SGF29: variants seen among roughly 807,000 people sequenced by gnomAD.
SGF29 encodes the protein SAGA-associated factor 29.
SGF29 carries 15 observed loss-of-function variants against 38.1 expected under a neutral mutation model. The observed-to-expected ratio is 0.39, with a 90% CI of 0.26 to 0.61. SGF29 has a LOEUF of 0.61. Ranked by LOEUF, SGF29 falls within the 20% of genes least tolerant of loss-of-function variation. SGF29 has a pLI of 0.49. For synonymous variants in SGF29, 151 were observed against 160.8 expected, an observed-to-expected ratio of 0.94 and a Z score of 0.46; for missense variants, 184 against 394.6, an observed-to-expected ratio of 0.47 and a Z score of 4.52.
chr16:28,560,993 C>T (rs539054680), intron 1 of SGF29, among the ~76,000 whole-genome samples: 1 of 150,444 alleles, frequency 6.6e-6, no homozygotes, highest in Non-Finnish European at 1.5e-5. Flanking sequence ...CAACGAAGAT[C>T]AACCCCAAGA....
In SGF29 at chr16:28,585,434, TC is replaced by T. The variant is rs1048964244; in HGVS notation, c.152-213del. ...ATGGAGAAAAGGTAAGACAGTACTC[TC>T]GCAGATGTAGGGATGGCATTTGTAC... On this transcript the variant is annotated intron_variant, in intron 3 of 9. Coordinates refer to ENST00000317058, the MANE Select transcript of SGF29 (RefSeq NM_138414.3). 6.5e-5 allele frequency: 39 copies of T among 599,694 alleles called. No homozygotes were observed. In the African/African-American group the frequency reaches 6.9e-4, roughly 11 times the overall value. The allele number at this position is 599,694 out of a possible 1,614,324, so 37.1% of individuals were successfully genotyped here. A position where few individuals can be genotyped will look rare whatever the true frequency, so the allele number is the denominator to read the frequency against.
intron 1 of SGF29, among the ~76,000 whole-genome samples, chr16:28,554,505 C>A (rs1441260843): frequency 1.3e-5 from 2 of 152,186 alleles, no homozygotes; most frequent in African/African-American, 4.8e-5. Flanking sequence ...ATATATAGTT[C>A]TTAACAAGAT....
chr16:28,590,020 C>T lies in SGF29; in HGVS notation c.290-76C>T. The T allele has an allele frequency of 6.6e-7, 1 of 1,516,008 alleles. No individual in the cohort carries two copies. The highest frequency in any genetic ancestry group is 8.8e-7 in the Non-Finnish European group (1 of 1,133,092). 93.9% of individuals were successfully genotyped at this position (1,516,008 alleles called of 1,614,324 possible). A position where few individuals can be genotyped will look rare whatever the true frequency, so the allele number is the denominator to read the frequency against. On this transcript the variant is annotated intron_variant, in intron 5 of 9. Coordinates refer to ENST00000317058, the MANE Select transcript of SGF29 (RefSeq NM_138414.3). The surrounding 1 kb of genome is among the most constrained non-coding windows in gnomAD (Gnocchi z 8.2). Reference sequence around the variant, plus strand: ...TGGGGGCTCCCAGGTGCTCCTTCAACAGCTCAGTGCAGCATGCTCGGGGGT... The same window carrying T: ...TGGGGGCTCCCAGGTGCTCCTTCAATAGCTCAGTGCAGCATGCTCGGGGGT...
At chr16:28,586,672 C>T (rs1360693125) in intron 4 of SGF29, among the ~76,000 whole-genome samples, 1 of 152,044 alleles carries the variant, frequency 6.6e-6, no homozygotes, top group Admixed American at 6.6e-5. Flanking sequence ...GGTGGAGCTC[C>T]AACATTGGTA....
At chr16:28,580,477 C>T (rs538328590) in intron 1 of SGF29, among the ~76,000 whole-genome samples, 36 of 152,172 alleles carry the variant, frequency 2.4e-4, no homozygotes, top group African/African-American at 8.7e-4. Flanking sequence ...GGGTGGCTGC[C>T]GGCAGTCCTT....
intron 5 of SGF29, 98 bp downstream of exon 5, chr16:28,589,262 C>T: frequency 8.1e-7 from 1 of 1,239,240 alleles, no homozygotes; most frequent in Non-Finnish European, 1.2e-6. Flanking sequence ...GTGGCCACCA[C>T]CTGCTGGCAT....
intron 1 of SGF29, 145 bp downstream of exon 1, chr16:28,554,242 G>GGGCTC (rs2046730957): frequency 6.6e-6 from 1 of 151,646 alleles, no homozygotes; most frequent in East Asian, 1.9e-4. Flanking sequence ...GAGGGGGGCG[G>GGGCTC]GGCTCGTGGG....
intron 1 of SGF29, among the ~76,000 whole-genome samples, chr16:28,562,406 C>G (rs1360292549): frequency 6.6e-6 from 1 of 152,144 alleles, no homozygotes; most frequent in Non-Finnish European, 1.5e-5. Context: ...ATTCCTGGAA[C>G]ATGAAGGTCC....
At chr16:28,573,196 C>G (rs558409309) in intron 1 of SGF29, among the ~76,000 whole-genome samples, 9 of 152,154 alleles carry the variant, frequency 5.9e-5, no homozygotes, top group East Asian at 1.9e-4. Flanking sequence ...TGGCACTACA[C>G]AGCTGGGAAG....
At chr16:28,591,024 T>C in intron 9 of SGF29, 89 bp downstream of exon 9, 1 of 1,436,436 alleles carries the variant, frequency 7.0e-7, no homozygotes, top group Admixed American at 2.5e-5. Context: ...CTCCTTCCCT[T>C]TGTCCTCATC....
chr16:28,589,075 CTT>C, intron 4 of SGF29, 23 bp from the exon 5 acceptor site: 1 of 1,613,872 alleles, frequency 6.2e-7, no homozygotes, highest in Non-Finnish European at 8.5e-7. Flanking sequence ...ACCAAACCCT[CTT>C]TCTCCCTTCT....
chr16:28,557,432 G>A (rs575394690), intron 1 of SGF29, among the ~76,000 whole-genome samples: 36 of 152,304 alleles, frequency 2.4e-4, no homozygotes, highest in African/African-American at 8.7e-4. Context: ...CACATGCTTT[G>A]CCCTGTGCAC....
At chr16:28,572,653 C>A (rs2046871801) in intron 1 of SGF29, among the ~76,000 whole-genome samples, 1 of 152,196 alleles carries the variant, frequency 6.6e-6, no homozygotes, top group South Asian at 2.1e-4. Flanking sequence ...TTCTTTAGGA[C>A]TGGTCAGGCA....
intron 2 of SGF29, among the ~76,000 whole-genome samples, chr16:28,584,511 C>T (rs559872493): frequency 2.6e-5 from 4 of 151,638 alleles, no homozygotes; most frequent in African/African-American, 7.2e-5. Flanking sequence ...AAAATTAGGC[C>T]GGGCGCATTG....
intron 2 of SGF29, among the ~76,000 whole-genome samples, chr16:28,581,949 T>A (rs998111265): frequency 6.6e-6 from 1 of 151,868 alleles, no homozygotes; most frequent in Non-Finnish European, 1.5e-5. Context: ...TTCCCCTATT[T>A]GATATCTTTT....
intron 1 of SGF29, among the ~76,000 whole-genome samples, chr16:28,556,158 T>C (rs1224847463): frequency 2.6e-5 from 4 of 152,032 alleles, no homozygotes. Context: ...TTGATGAATA[T>C]AGATTCTATT....
intron 1 of SGF29, among the ~76,000 whole-genome samples, chr16:28,564,150 C>T (rs2046806301): frequency 6.6e-6 from 1 of 152,064 alleles, no homozygotes; most frequent in African/African-American, 2.4e-5. Context: ...GGGCTGCATT[C>T]CCAGCTTGGG....
In SGF29 at chr16:28,576,327, A is replaced by T. The variant is rs138940202; in HGVS notation, c.-15-4728A>T. The stretch of plus-strand genomic sequence containing the variant: ...GGCATAATACCTGGGTGATGAAATT[A>T]TCTGTACAACAGACCCCCATGACAC... On this transcript the variant is annotated intron_variant, in intron 1 of 9. Coordinates refer to ENST00000317058, the MANE Select transcript of SGF29 (RefSeq NM_138414.3). Among the ~76,000 whole-genome samples, 805 of 152,260 alleles carry T rather than the reference A, an allele frequency of 5.3e-3. 7 individuals carry two copies. Among genetic ancestry groups the T allele is most frequent in the African/African-American group, 0.018 (767 of 41,554 alleles).
intron 1 of SGF29, among the ~76,000 whole-genome samples, chr16:28,576,415 G>A (rs2046894557): frequency 6.6e-6 from 1 of 151,946 alleles, no homozygotes; most frequent in South Asian, 2.1e-4. Context: ...AATTAAAAAA[G>A]AAGGGCCGGG....
Sources: allele counts gnomAD v4.1 joint callset (sites outside exome capture counted in the v4.1 genomes callset), GRCh38; gene constraint gnomAD v4.1.1; non-coding constraint Gnocchi (gnomAD v3.1); transcripts MANE v1.5; gene names NCBI Gene and HGNC (gene_info 2026-07-23, HGNC 2026-07-21).